The following FUT9 variants were observed in gnomAD, a reference collection of about 807,000 sequenced individuals.
The protein encoded by FUT9 is 4-galactosyl-N-acetylglucosaminide 3-alpha-L-fucosyltransferase 9.
In FUT9, 15 loss-of-function variants were observed where a neutral mutation model predicts 29.7. The observed-to-expected ratio is 0.51, with a 90% confidence interval of 0.34 to 0.78. The LOEUF is 0.78. Ranked by LOEUF, FUT9 falls within the 30% of genes least tolerant of loss-of-function variation. The pLI is 0.01. For missense variants in FUT9, 319 were observed against 425.4 expected (o/e 0.75, Z 2.20); for synonymous variants, 169 against 153.7 (o/e 1.10, Z -0.74).
At chr6:96,187,844 GGTTA>G (rs1186699050) in intron 2 of FUT9, among the ~76,000 whole-genome samples, 3 of 152,026 alleles carry the variant, frequency 2.0e-5, no homozygotes, top group Admixed American at 1.3e-4. Flanking sequence ...GGTTTTTTGA[GGTTA>G]GTTAATTTTG....
intron 1 of FUT9, chr6:96,037,444 C>G (rs1770382964): frequency 6.6e-6 from 1 of 151,902 alleles, no homozygotes; most frequent in South Asian, 2.1e-4. Flanking sequence ...AACAAATAAG[C>G]AAGTGAACAC....
chr6:96,095,687 C>T (rs1290327425), intron 1 of FUT9, among the ~76,000 whole-genome samples: 1 of 151,978 alleles, frequency 6.6e-6, no homozygotes, highest in African/African-American at 2.4e-5. Context: ...ATATGTTGTC[C>T]TGCCCCAGCC....
chr6:96,106,866 A>G (rs1314109149), intron 1 of FUT9, among the ~76,000 whole-genome samples: 1 of 152,230 alleles, frequency 6.6e-6, no homozygotes. Flanking sequence ...AAAGTATCAA[A>G]CCATTTTTCA....
chr6:96,102,280 A>G (rs535019188), intron 1 of FUT9, among the ~76,000 whole-genome samples: 25 of 152,264 alleles, frequency 1.6e-4, no homozygotes, highest in South Asian at 6.2e-4. Flanking sequence ...AATGACAAGT[A>G]AGAACAATAT....
chr6:96,056,672 C>T (rs909149751), intron 1 of FUT9, among the ~76,000 whole-genome samples: 17 of 152,062 alleles, frequency 1.1e-4, no homozygotes, highest in African/African-American at 3.9e-4. Flanking sequence ...ATCGCTTGAG[C>T]CCAGGAGTTC....
At chr6:96,069,618 TA>T (rs1562115210) in intron 1 of FUT9, among the ~76,000 whole-genome samples, 1 of 102,884 alleles carries the variant, frequency 9.7e-6, no homozygotes, top group East Asian at 3.2e-4. Flanking sequence ...ATTATTTTTT[TA>T]TTTTTTTATT....
At chr6:96,069,328 A>G (rs1771014625) in intron 1 of FUT9, among the ~76,000 whole-genome samples, 1 of 151,954 alleles carries the variant, frequency 6.6e-6, no homozygotes, top group South Asian at 2.1e-4. Context: ...CTCAAAAAAA[A>G]AAAAGTAAAG....
chr6:96,129,440 A>G (rs1772201571), intron 2 of FUT9, among the ~76,000 whole-genome samples: 1 of 152,102 alleles, frequency 6.6e-6, no homozygotes, highest in South Asian at 2.1e-4. Flanking sequence ...TGGGTGACAG[A>G]GTGAGACCCT....
chr6:96,095,423 G>T (rs1771478588), intron 1 of FUT9, among the ~76,000 whole-genome samples: 1 of 152,042 alleles, frequency 6.6e-6, no homozygotes, highest in African/African-American at 2.4e-5. Flanking sequence ...ATTCAACTAG[G>T]CTTGCCCCAC....
intron 1 of FUT9, among the ~76,000 whole-genome samples, chr6:96,042,704 G>C (rs1259725411): frequency 6.6e-6 from 1 of 151,898 alleles, no homozygotes; most frequent in Non-Finnish European, 1.5e-5. Context: ...TCCTTTTTTG[G>C]TCTTGTATTA....
chr6:96,055,157 T>A (rs1770739547), intron 1 of FUT9, among the ~76,000 whole-genome samples: 1 of 152,186 alleles, frequency 6.6e-6, no homozygotes, highest in Non-Finnish European at 1.5e-5. Context: ...ATTTATAAAT[T>A]ATGAGTGGTC....
chr6:96,154,196 C>T (rs1772732795), intron 2 of FUT9, among the ~76,000 whole-genome samples: 1 of 152,144 alleles, frequency 6.6e-6, no homozygotes, highest in South Asian at 2.1e-4. Context: ...ATTCACTGTG[C>T]TCCTTAAAGT....
intron 1 of FUT9, chr6:96,037,183 G>GT (rs1398868614): frequency 6.6e-6 from 1 of 151,978 alleles, no homozygotes; most frequent in Non-Finnish European, 1.5e-5. Context: ...ATTAGCCTTT[G>GT]TAAGAGGCTT....
rs1258238448 is a variant in FUT9 at position 96,121,823 on chromosome 6, T to C, written c.-9+7696T>C. ...ATGAATATAATGATTCATCCACTTT[T>C]GTGTTTGAAATATAATCTGCCTTAA... On this transcript the variant is annotated intron_variant, in intron 2 of 2. Transcript: ENST00000302103. Among the ~76,000 whole-genome samples the C allele has an allele frequency of 2.1e-5, 3 of 142,502 alleles. No individual in the cohort carries two copies. In the East Asian group the frequency reaches 6.6e-4, roughly 31 times the overall value. The allele number at this position is 142,502 out of a possible 152,430, so 93.5% of individuals were successfully genotyped here.
chr6:96,146,902 G>C (rs1772578201), intron 2 of FUT9, among the ~76,000 whole-genome samples: 1 of 152,156 alleles, frequency 6.6e-6, no homozygotes, highest in Admixed American at 6.6e-5. Context: ...AAAATTCCCT[G>C]TCTTTGAATA....
At position 96,199,120 on chromosome 6, in the gene FUT9, T is replaced by C. The variant is rs140990617; in HGVS notation, c.-8-4028T>C. Among the ~76,000 whole-genome samples the C allele has an allele frequency of 3.1e-3, 471 of 152,310 alleles. 1 individual carries two copies. The highest frequency in any genetic ancestry group is 0.01 in the African/African-American group (418 of 41,562). On this transcript the variant is annotated intron_variant, in intron 2 of 2. Coordinates refer to ENST00000302103, the MANE Select transcript of FUT9 (RefSeq NM_006581.4). ...ACTAAAAATAATTGAAAAGGTTTAA[T>C]TATCCTATTTACTGTTACAATTTGC... is the stretch of plus-strand genomic sequence containing the variant.
chr6:96,212,571 G>T lies in FUT9; in HGVS notation c.*8336G>T, dbSNP rs1773959124. 2 of 386,996 alleles carry T rather than the reference G, an allele frequency of 5.2e-6. No individual in the cohort carries two copies. Among genetic ancestry groups the T allele is most frequent in the Non-Finnish European group, 9.5e-6 (2 of 209,752 alleles). The allele number at this position is 386,996 out of a possible 1,614,324, so 24.0% of individuals were successfully genotyped here. A position where few individuals can be genotyped will look rare whatever the true frequency, so the allele number is the denominator to read the frequency against. Reference sequence around the variant, plus strand: ...ACTTTCAGCTTAATCGGGGTTAAGGGAGTAATTGTGACAATATAAAATGGC... The same window carrying T: ...ACTTTCAGCTTAATCGGGGTTAAGGTAGTAATTGTGACAATATAAAATGGC... On this transcript the variant is annotated 3_prime_UTR_variant, in exon 3 of 3. Coordinates refer to ENST00000302103, the MANE Select transcript of FUT9 (RefSeq NM_006581.4).
At chr6:96,089,641 T>C (rs1290463782) in intron 1 of FUT9, among the ~76,000 whole-genome samples, 1 of 152,120 alleles carries the variant, frequency 6.6e-6, no homozygotes, top group Non-Finnish European at 1.5e-5. Flanking sequence ...CAGAGTAAGA[T>C]GGGGAGCTGA....
intron 2 of FUT9, among the ~76,000 whole-genome samples, chr6:96,161,106 A>G (rs1400529853): frequency 1.3e-5 from 2 of 152,144 alleles, no homozygotes; most frequent in Admixed American, 1.3e-4. Flanking sequence ...AGCTCAAGGA[A>G]AAGACTTTAT....
Sources: gnomAD v4.1 joint callset for allele counts (sites outside exome capture counted in the v4.1 genomes callset) on GRCh38, gnomAD v4.1.1 for gene constraint, MANE v1.5 for transcripts, NCBI Gene and HGNC (gene_info 2026-07-23, HGNC 2026-07-21) for gene names.